ZNF516: variants seen among roughly 807,000 people sequenced by gnomAD.
ZNF516 encodes the protein zinc finger protein 516.
Under a neutral mutation model 79.7 loss-of-function variants are expected in ZNF516, and 19 were observed. That is an observed-to-expected ratio of 0.24 (90% CI 0.17 to 0.35). The LOEUF (loss-of-function observed/expected upper bound fraction) is 0.35, where lower values mean the gene tolerates loss of function less well. Ranked by LOEUF, ZNF516 falls within the 10% of genes least tolerant of loss-of-function variation. The pLI, the probability that ZNF516 is intolerant of heterozygous loss-of-function variation, is 1.00. For missense variants in ZNF516, 1,678 were observed against 1,679.5 expected (o/e 1.00, Z 0.02); for synonymous variants, 877 against 739.5 (o/e 1.19, Z -3.02).
At chr18:76,479,392 C>T (rs1170253055) in intron 1 of ZNF516, among the ~76,000 whole-genome samples, 5 of 152,210 alleles carry the variant, frequency 3.3e-5, no homozygotes, top group Non-Finnish European at 7.3e-5. Context: ...GAAATTCTCC[C>T]GGCAAGTCAG....
chr18:76,494,433 G>T (rs1043132677), intron 1 of ZNF516, among the ~76,000 whole-genome samples: 10 of 149,284 alleles, frequency 6.7e-5, no homozygotes, highest in Admixed American at 3.3e-4. Flanking sequence ...CCCTCTCCGA[G>T]TCGGTGCCAG....
chr18:76,492,173 C>T, intron 1 of ZNF516: 1 of 985,418 alleles, frequency 1.0e-6, no homozygotes, highest in Non-Finnish European at 1.2e-6. Context: ...CCGGTGGGTA[C>T]AGAAGCGCAG....
At chr18:76,375,442 A>G (rs902319345) in intron 4 of ZNF516, among the ~76,000 whole-genome samples, 2 of 151,898 alleles carry the variant, frequency 1.3e-5, no homozygotes, top group Non-Finnish European at 2.9e-5. Flanking sequence ...GAGACCAGGC[A>G]GAGGATGGAT....
intron 1 of ZNF516, chr18:76,491,656 C>T: frequency 1.5e-6 from 1 of 685,840 alleles, no homozygotes; most frequent in South Asian, 6.5e-5. Flanking sequence ...AGCCCAGCAA[C>T]AAGCGGCCAC....
chr18:76,376,922 C>G (rs1425313029), intron 4 of ZNF516, among the ~76,000 whole-genome samples: 1 of 152,222 alleles, frequency 6.6e-6, no homozygotes, highest in East Asian at 1.9e-4. Context: ...CCAGCATCCA[C>G]AACAGCACAG....
chr18:76,416,832 A>ACATAT (rs1372984281), intron 3 of ZNF516, among the ~76,000 whole-genome samples: 3 of 152,326 alleles, frequency 2.0e-5, no homozygotes, highest in Non-Finnish European at 2.9e-5. Flanking sequence ...AGATAAAAGA[A>ACATAT]CATATCCTTC....
intron 3 of ZNF516, among the ~76,000 whole-genome samples, chr18:76,385,342 C>T (rs1366592731): frequency 6.6e-6 from 1 of 152,224 alleles, no homozygotes; most frequent in African/African-American, 2.4e-5. Context: ...CAGGGAGTGG[C>T]AGACTTGCAC....
rs1004087058 is a variant in ZNF516 at position 76,464,074 on chromosome 18, G to A, written c.-271-933C>T. ...CGCGGGTGCTCACACCTGTCATCCC[G>A]GCACTTTGGGAGGCTGAGGTGGGTG... On this transcript the variant is annotated intron_variant, in intron 1 of 6. Transcript: ENST00000443185. Among the ~76,000 whole-genome samples, 9 of 152,200 alleles carry A rather than the reference G, an allele frequency of 5.9e-5. No homozygotes were observed. The South Asian group carries it at 6.2e-4, about 11-fold the overall frequency.
At chr18:76,385,276 T>C (rs1007969428) in intron 3 of ZNF516, among the ~76,000 whole-genome samples, 1 of 152,222 alleles carries the variant, frequency 6.6e-6, no homozygotes, top group South Asian at 2.1e-4. Flanking sequence ...CGTCCCAAGC[T>C]GGCCCTGGCC....
At chr18:76,378,714 C>T in intron 4 of ZNF516, 141 bp downstream of exon 4, 1 of 1,274,600 alleles carries the variant, frequency 7.8e-7, no homozygotes, top group Non-Finnish European at 1.1e-6. Context: ...AAGGGAGCAG[C>T]TCTCAGCTCA....
chr18:76,458,814 C>T (rs540467713), intron 2 of ZNF516, among the ~76,000 whole-genome samples: 1 of 130,724 alleles, frequency 7.6e-6, no homozygotes, highest in Non-Finnish European at 1.7e-5. Context: ...GCCTCACCGT[C>T]GTGCGTGTGC....
intron 3 of ZNF516, among the ~76,000 whole-genome samples, chr18:76,438,402 G>C (rs60966742): frequency 0.011 from 1,726 of 152,278 alleles, 41 homozygotes; most frequent in African/African-American, 0.039. Context: ...ACTCCAATTA[G>C]ATGCCCTTTC....
At chr18:76,423,734 T>C (rs2075543451) in intron 3 of ZNF516, among the ~76,000 whole-genome samples, 1 of 128,182 alleles carries the variant, frequency 7.8e-6, no homozygotes, top group Non-Finnish European at 1.6e-5. Context: ...GGCTCCCTCC[T>C]GAAACATACA....
chr18:76,481,176 C>G (rs1355073629), intron 1 of ZNF516, among the ~76,000 whole-genome samples: 4 of 152,350 alleles, frequency 2.6e-5, no homozygotes, highest in African/African-American at 9.6e-5. Context: ...CCAAGTCCCA[C>G]CAGCTCACTG....
rs1915008058 is a variant in ZNF516, at chr18:76,489,120, T to G, written c.-272+6024A>C. 2.0e-5 allele frequency among the ~76,000 whole-genome samples: 3 copies of G among 152,240 alleles called. No individual in the cohort carries two copies. The South Asian group carries it at 6.2e-4, about 32-fold the overall frequency. ...CTCTAAACACAGTCTCCAGTCAGAC[T>G]TACAACCACTCCCACCAAATTCTTT... On this transcript the variant is annotated intron_variant, in intron 1 of 6. Transcript: ENST00000443185.
chr18:76,407,610 C>T (rs1013108279), intron 3 of ZNF516, among the ~76,000 whole-genome samples: 1 of 152,234 alleles, frequency 6.6e-6, no homozygotes, highest in African/African-American at 2.4e-5. Context: ...CGTCCACCAC[C>T]AAGCATCATT....
chr18:76,380,371 C>A (rs2074871602), intron 3 of ZNF516, 68 bp from the exon 4 acceptor site: 1 of 1,551,460 alleles, frequency 6.4e-7, no homozygotes, highest in Non-Finnish European at 8.7e-7. Flanking sequence ...ACACACGGTG[C>A]GTACAGCTAC....
intron 3 of ZNF516, chr18:76,387,944 C>T (rs1282974581): frequency 6.6e-6 from 1 of 152,338 alleles, no homozygotes; most frequent in African/African-American, 2.4e-5. Context: ...AACCCCAAAC[C>T]CCAGGCTCCA....
chr18:76,465,157 T>C (rs889944062), intron 1 of ZNF516, among the ~76,000 whole-genome samples: 1 of 152,224 alleles, frequency 6.6e-6, no homozygotes, highest in East Asian at 1.9e-4. Context: ...CTTCAACATG[T>C]GTCAGTTTTT....
Sources: gnomAD v4.1 joint callset for allele counts (sites outside exome capture counted in the v4.1 genomes callset) on GRCh38, gnomAD v4.1.1 for gene constraint, MANE v1.5 for transcripts, NCBI Gene and HGNC (gene_info 2026-07-23, HGNC 2026-07-21) for gene names.